SEH1L: variants seen among roughly 807,000 people sequenced by gnomAD.
The protein encoded by SEH1L is SEH1 like nucleoporin.
SEH1L carries 18 observed loss-of-function variants against 49.5 expected under a neutral mutation model. The observed-to-expected ratio is 0.36, with a 90% CI of 0.25 to 0.54. The LOEUF (loss-of-function observed/expected upper bound fraction) is 0.54. Ranked by LOEUF, SEH1L falls within the 20% of genes least tolerant of loss-of-function variation. The pLI is 0.87. For synonymous variants in SEH1L, 169 were observed against 178.1 expected (o/e 0.95, Z 0.41); for missense variants, 404 against 528.8 (o/e 0.76, Z 2.31).
rs1346671767 is a variant in SEH1L, at chr18:12,975,754, G to A, written c.621-2998G>A. On this transcript the variant is annotated intron_variant, in intron 5 of 8. Coordinates refer to ENST00000399892, the MANE Select transcript of SEH1L (RefSeq NM_001013437.2). ...TTAGGGAGATGACTTTGGCAGCTGT[G>A]TGGACTGGGAGCAGGAACTCAGGGA... The A allele has an allele frequency of 6.1e-6, 6 of 987,234 alleles. No homozygotes were observed. In the South Asian group the frequency reaches 1.9e-4, roughly 31 times the overall value. 61.2% of individuals were successfully genotyped at this position (987,234 alleles called of 1,614,324 possible).
At chr18:12,970,613 T>C (rs182183240) in intron 4 of SEH1L, among the ~76,000 whole-genome samples, 156 of 152,228 alleles carry the variant, frequency 1.0e-3, no homozygotes, top group African/African-American at 3.6e-3. Context: ...TTTGTAGAGA[T>C]AGAGTCTTAT....
chr18:12,966,198 T>C (rs79086071), intron 4 of SEH1L, among the ~76,000 whole-genome samples: 9,100 of 150,078 alleles, frequency 0.061, 417 homozygotes, highest in East Asian at 0.21. Context: ...GTTTAAGAGA[T>C]TCTCCTGCCT....
chr18:12,985,521 G>A (rs775201532), intron 8 of SEH1L: 85 of 1,215,668 alleles, frequency 7.0e-5, no homozygotes, highest in Non-Finnish European at 8.3e-5. Context: ...ACAATTTTTT[G>A]AAATGTTCCT....
chr18:12,948,496 C>G (rs2030264850), intron 1 of SEH1L: 1 of 301,158 alleles, frequency 3.3e-6, no homozygotes, highest in African/African-American at 2.2e-5. Flanking sequence ...GGGCCCTCTC[C>G]CAGGCCGCGC....
At chr18:12,966,179 G>A (rs2031444937) in intron 4 of SEH1L, among the ~76,000 whole-genome samples, 1 of 149,380 alleles carries the variant, frequency 6.7e-6, no homozygotes, top group African/African-American at 2.5e-5. Context: ...TGCAAGCTCC[G>A]CCTCCTGGGT....
In SEH1L at chr18:12,982,574, A is replaced by C. The variant is rs768234076; in HGVS notation, c.818A>C (p.Gln273Pro). 6.2e-7 allele frequency: 1 copy of C among 1,613,950 alleles called. No individual in the cohort carries two copies. The highest frequency in any genetic ancestry group is 1.1e-5 in the South Asian group (1 of 91,074). Residue 273 changes from glutamine to proline, a missense_variant, in exon 7 of 9, where the codon CAG (glutamine) becomes CCG (proline). Transcript: ENST00000399892. ...AAGTTTGAAATCCATATAGTGGCTC[A>C]GTTCGATAATCATAATTCTCAGGTC... ...PTKFEIHIVA[Q>P]FDNHNSQVWR... is the part of the protein sequence containing the mutation.
At chr18:12,949,729 G>A (rs1164108206) in intron 1 of SEH1L, among the ~76,000 whole-genome samples, 13 of 151,428 alleles carry the variant, frequency 8.6e-5, no homozygotes, top group East Asian at 2.0e-4. Context: ...CTAGGATTAC[G>A]GGCGTGAGCC....
rs780312189 is a variant in SEH1L at position 12,985,296 on chromosome 18, C to CA, written c.1070+1107dup. ...AACTTTGCTGTTTTGCTGCTTGTTG[C>CA]ATGCACACAGGAATGGAAAGCGAGC... On this transcript the variant is annotated intron_variant, in intron 8 of 8. Transcript: ENST00000399892. The CA allele has an allele frequency of 6.0e-5, 96 of 1,600,678 alleles. No individual in the cohort carries two copies. The Middle Eastern group carries it at 8.3e-4, about 14-fold the overall frequency.
intron 4 of SEH1L, among the ~76,000 whole-genome samples, chr18:12,970,655 C>T (rs141847263): frequency 4.6e-5 from 7 of 152,196 alleles, no homozygotes; most frequent in Admixed American, 1.3e-4. Context: ...GAACTCCTGG[C>T]CTCAAATGAT....
chr18:12,981,760 G>A (rs2032271506), intron 6 of SEH1L, among the ~76,000 whole-genome samples: 1 of 149,772 alleles, frequency 6.7e-6, no homozygotes, highest in African/African-American at 2.5e-5. Context: ...AGACAGTCTT[G>A]TGAATAACAT....
At chr18:12,980,522 C>T (rs1230608759) in intron 6 of SEH1L, among the ~76,000 whole-genome samples, 87 of 64,210 alleles carry the variant, frequency 1.4e-3, no homozygotes, top group African/African-American at 6.0e-3. Flanking sequence ...GGGGGGCTGA[C>T]CCCCCCACCT....
At position 12,971,232 on chromosome 18, in the gene SEH1L, G is replaced by T. The variant is rs760573309; in HGVS notation, c.601G>T (p.Glu201Ter). The T allele has an allele frequency of 6.2e-7, 1 of 1,611,886 alleles. No individual in the cohort carries two copies. The highest frequency in any genetic ancestry group is 8.5e-7 in the Non-Finnish European group (1 of 1,178,000). Residue 201 changes from glutamate to a stop codon, truncating the protein, a stop_gained, in exon 5 of 9, where the codon GAA (glutamate) becomes TAA (stop). Transcript: ENST00000399892. LOFTEE classifies it high-confidence loss of function. ...CGCAATGGCCAAGGTTCAGATTTTT[G>T]AATATAATGAAAACACCAGGTCAGT... is the stretch of plus-strand genomic sequence containing the variant. Reference protein sequence around the residue: ...PNAMAKVQIFEYNENTRKYAK... With the variant: ...PNAMAKVQIF
rs368586135 is a variant in SEH1L, at chr18:12,975,955, A to G, written c.621-2797A>G. 6 of 802,758 alleles carry G rather than the reference A, an allele frequency of 7.5e-6. 1 individual carries two copies. The allele number at this position is 802,758 out of a possible 1,614,324, so 49.7% of individuals were successfully genotyped here. On this transcript the variant is annotated intron_variant, in intron 5 of 8. Transcript: ENST00000399892. ...ATGGGGACTGAGCAAAGAGGAGTGA[A>G]TGTGGTAAGCACAATTTATTTCAGA...
Position 12,971,247 on chromosome 18 carries a change from A to G in SEH1L, c.616A>G (p.Thr206Ala), listed in dbSNP as rs1402647041. 6.2e-7 allele frequency: 1 copy of G among 1,600,302 alleles called. No homozygotes were observed. Among genetic ancestry groups the G allele is most frequent in the Non-Finnish European group, 8.6e-7 (1 of 1,167,460 alleles). ...TCAGATTTTTGAATATAATGAAAAC[A>G]CCAGGTCAGTCCTGCTTTGGTTTTA... is the stretch of plus-strand genomic sequence containing the variant. Reference protein sequence around the residue: ...KVQIFEYNENTRKYAKAETLM... With the variant: ...KVQIFEYNENARKYAKAETLM... Residue 206 changes from threonine (T) to alanine (A), a missense_variant, in exon 5 of 9, where the codon ACC becomes GCC. By Grantham distance (58) the Thr-to-Ala change is moderately conservative (BLOSUM62 0). Around this residue, in one of 3 missense-constraint regions of SEH1L, gnomAD observed 342 missense variants for 430.8 expected, o/e 0.79. Coordinates refer to ENST00000399892, the MANE Select transcript of SEH1L (RefSeq NM_001013437.2).
At chr18:12,950,844 G>A (rs2030478404) in intron 1 of SEH1L, among the ~76,000 whole-genome samples, 1 of 152,102 alleles carries the variant, frequency 6.6e-6, no homozygotes, top group African/African-American at 2.4e-5. Flanking sequence ...TTTTGAGATG[G>A]AGTCTTGCCA....
At chr18:12,969,062 T>G (rs2031573034) in intron 4 of SEH1L, among the ~76,000 whole-genome samples, 1 of 151,794 alleles carries the variant, frequency 6.6e-6, no homozygotes, top group South Asian at 2.1e-4. Flanking sequence ...AATACAAAAT[T>G]AGCTGGGTTT....
chr18:12,986,218 AGTTTGCTAATATGC>A, intron 8 of SEH1L: 1 of 985,428 alleles, frequency 1.0e-6, no homozygotes, highest in Non-Finnish European at 1.2e-6. Context: ...TAAATATTTA[AGTTTGCTAATATGC>A]GTAAGTATTA....
intron 4 of SEH1L, among the ~76,000 whole-genome samples, chr18:12,967,301 G>A (rs2031493603): frequency 6.6e-6 from 1 of 152,070 alleles, no homozygotes; most frequent in Non-Finnish European, 1.5e-5. Flanking sequence ...GACTAACATT[G>A]AACTCATAGC....
rs1348450158 is a variant in SEH1L at position 12,987,148 on chromosome 18, AT to A, written c.*96del. 1.0e-6 allele frequency: 1 copy of A among 995,002 alleles called. No individual in the cohort carries two copies. The allele number at this position is 995,002 out of a possible 1,614,324, so 61.6% of individuals were successfully genotyped here. A position where few individuals can be genotyped will look rare whatever the true frequency, so the allele number is the denominator to read the frequency against. On this transcript the variant is annotated 3_prime_UTR_variant, in exon 9 of 9. Transcript: ENST00000399892. Reference sequence around the variant, plus strand: ...TTTGTTTTTCATTTTCTTTCAGAAGATTTTTCTAACTTAGGGTCTGTCTTGC... The same window carrying A: ...TTTGTTTTTCATTTTCTTTCAGAAGATTTTCTAACTTAGGGTCTGTCTTGC...
Sources: gnomAD v4.1 joint callset for allele counts (sites outside exome capture counted in the v4.1 genomes callset) on GRCh38, gnomAD v4.1.1 for gene constraint, gnomAD v4.1.1 regional missense constraint, MANE v1.5 for transcripts, NCBI Gene and HGNC (gene_info 2026-07-23, HGNC 2026-07-21) for gene names.